The following SPANXN2 variants were observed in gnomAD, a reference collection of about 807,000 sequenced individuals.
SPANXN2 encodes the protein sperm protein associated with the nucleus on the X chromosome N2.
Under a neutral mutation model 2.0 loss-of-function variants are expected in SPANXN2, and 1 was observed. The observed-to-expected ratio is 0.50, with a 90% CI of 0.18 to 2.36. The LOEUF is 2.36. SPANXN2 is among the 30% of genes most tolerant of loss of function. The probability of loss-of-function intolerance (pLI) is 0.26; values close to 1 mark genes in which losing one functional copy is unlikely to be tolerated. For missense variants in SPANXN2, 88 were observed against 116.7 expected (o/e 0.75, Z 1.13); for synonymous variants, 43 against 49.8 (o/e 0.86, Z 0.58).
intron 1 of SPANXN2, among the ~76,000 whole-genome samples, chrX:143,716,314 A>G (rs1318831314): frequency 1.8e-5 from 2 of 110,530 alleles, no homozygotes; most frequent in Admixed American, 9.6e-5. Flanking sequence ...TCCCAACCCA[A>G]TGAAAGGAGC....
At chrX:143,711,968 C>G (rs1284058097) in exon 2 of SPANXN2, 6 of 1,206,046 alleles carry the variant, frequency 5.0e-6, no homozygotes, top group East Asian at 3.0e-5. Context: ...GCTCCTCAAA[C>G]TTGATTTTAT....
chrX:143,712,297 C>G (rs781971643), exon 2 of SPANXN2: 1 of 1,210,963 alleles, frequency 8.3e-7, no homozygotes, highest in African/African-American at 1.7e-5. Flanking sequence ...CTGTGAAGAT[C>G]CTTCAGCTGA....
At chrX:143,716,563 A>G (rs1932268711) in intron 1 of SPANXN2, among the ~76,000 whole-genome samples, 1 of 111,663 alleles carries the variant, frequency 9.0e-6, no homozygotes, top group South Asian at 3.8e-4. Context: ...AACCTCACCA[A>G]GCCTGTTACT....
At chrX:143,719,753 A>C (rs1932330301) in intron 1 of SPANXN2, among the ~76,000 whole-genome samples, 1 of 110,986 alleles carries the variant, frequency 9.0e-6, no homozygotes, top group South Asian at 3.9e-4. Flanking sequence ...ACACACACTA[A>C]GCAGGCTGTA....
At chrX:143,718,441 C>G (rs1451288531) in intron 1 of SPANXN2, among the ~76,000 whole-genome samples, 1 of 111,592 alleles carries the variant, frequency 9.0e-6, no homozygotes, top group Non-Finnish European at 1.9e-5. Flanking sequence ...CTCCTCCTCC[C>G]CCGCTCTCCA....
intron 1 of SPANXN2, among the ~76,000 whole-genome samples, chrX:143,720,100 C>T (rs1248165984): frequency 3.6e-5 from 4 of 110,860 alleles, no homozygotes; most frequent in Non-Finnish European, 7.5e-5. Flanking sequence ...ATCAACAATG[C>T]CCCTCTTCCT....
chrX:143,712,794 C>A (rs1932190399), intron 1 of SPANXN2, among the ~76,000 whole-genome samples: 1 of 111,747 alleles, frequency 8.9e-6, no homozygotes, highest in Non-Finnish European at 1.9e-5. Flanking sequence ...TCCTGCCTAA[C>A]CACCTGACCA....
intron 1 of SPANXN2, among the ~76,000 whole-genome samples, chrX:143,716,606 T>G (rs1322825848): frequency 8.9e-6 from 1 of 112,133 alleles, no homozygotes; most frequent in South Asian, 3.7e-4. Flanking sequence ...GCCTTGCCCT[T>G]GGACTACTCT....
At position 143,717,154 on chromosome X, in the gene SPANXN2, C is replaced by A. The variant is rs112899274; in HGVS notation, c.78+3437G>T. Among the ~76,000 whole-genome samples the A allele has an allele frequency of 5.2e-3, 588 of 112,304 alleles. 4 individuals are homozygous for A. Among genetic ancestry groups the A allele is most frequent in the African/African-American group, 0.018 (553 of 30,913 alleles). On this transcript the variant is annotated intron_variant, in intron 1 of 1. Coordinates refer to ENST00000598475, the Ensembl canonical transcript of SPANXN2. ...ACACCCCATGCTACCTCTCAACAGG[C>A]AAAGCTAGTTGCCCTAACCAGGGCC...
At chrX:143,719,242 C>G (rs1399680989) in intron 1 of SPANXN2, among the ~76,000 whole-genome samples, 1 of 111,036 alleles carries the variant, frequency 9.0e-6, no homozygotes, top group Non-Finnish European at 1.9e-5. Context: ...TCTTATCAAC[C>G]CCTCCCCTTT....
At chrX:143,712,771 G>T (rs1233565310) in intron 1 of SPANXN2, among the ~76,000 whole-genome samples, 2 of 111,522 alleles carry the variant, frequency 1.8e-5, no homozygotes, top group Non-Finnish European at 3.8e-5. Flanking sequence ...GGGGGCTCAG[G>T]CCGTGAGAAA....
intron 1 of SPANXN2, 53 bp downstream of exon 1, chrX:143,720,538 T>C: frequency 8.6e-7 from 1 of 1,167,058 alleles, no homozygotes; most frequent in Non-Finnish European, 1.2e-6. Flanking sequence ...CCGTCCCTTC[T>C]CTGTGTGTCT....
chrX:143,712,846 A>G (rs1482315692), intron 1 of SPANXN2, among the ~76,000 whole-genome samples: 1 of 111,767 alleles, frequency 8.9e-6, no homozygotes, highest in Non-Finnish European at 1.9e-5. Context: ...TTCCTATCAT[A>G]TCTTGCTTGG....
intron 1 of SPANXN2, 113 bp downstream of exon 1, chrX:143,720,478 G>A (rs1932348652): frequency 1.2e-6 from 1 of 857,176 alleles, no homozygotes; most frequent in African/African-American, 2.2e-5. Flanking sequence ...GCATTAAGCG[G>A]GTCCCCCACT....
chrX:143,718,799 C>T (rs1277912005), intron 1 of SPANXN2, among the ~76,000 whole-genome samples: 4 of 111,297 alleles, frequency 3.6e-5, no homozygotes, highest in Non-Finnish European at 7.5e-5. Flanking sequence ...GATATGACTT[C>T]AGGGCACCTT....
intron 1 of SPANXN2, among the ~76,000 whole-genome samples, chrX:143,720,133 G>T (rs1277939821): frequency 4.5e-5 from 5 of 111,063 alleles, no homozygotes; most frequent in Non-Finnish European, 7.5e-5. Flanking sequence ...TAGAAGGCAA[G>T]AATGTGAGTC....
chrX:143,712,085 C>T lies in SPANXN2; in HGVS notation c.493G>A (p.Glu165Lys), dbSNP rs200779971. 20 of 1,211,090 alleles carry T rather than the reference C, an allele frequency of 1.7e-5. No homozygotes were observed. Among genetic ancestry groups the T allele is most frequent in the East Asian group, 5.9e-5 (2 of 33,765 alleles). Reference sequence around the variant, plus strand: ...GATCCTTCAGATGAGTCTAGGTCTTCGTCCTCCTGTGAAGATCCTTCAGGT... The same window carrying T: ...GATCCTTCAGATGAGTCTAGGTCTTTGTCCTCCTGTGAAGATCCTTCAGGT... Residue 165 changes from glutamate (E) to lysine (K), a missense_variant, in exon 2 of 2, where the codon GAA becomes AAA. By Grantham distance (56) the Glu-to-Lys change is moderately conservative. This residue lies in a region of SPANXN2 where 29 missense variants were observed against 60.3 expected (regional missense o/e 0.48). Transcript: ENST00000598475.
intron 1 of SPANXN2, among the ~76,000 whole-genome samples, chrX:143,713,888 CCTCACTCTCTCT>C (rs1932210170): frequency 2.8e-5 from 1 of 35,109 alleles, no homozygotes; most frequent in South Asian, 2.4e-3. Flanking sequence ...TCCTTTCATG[CCTCACTCTCTCT>C]CTCTCTCTCT....
At chrX:143,719,573 T>C (rs1488171214) in intron 1 of SPANXN2, among the ~76,000 whole-genome samples, 2 of 112,167 alleles carry the variant, frequency 1.8e-5, no homozygotes, top group Admixed American at 9.4e-5. Context: ...CCTACAACTT[T>C]TGTCTGTCCA....
Sources: gnomAD v4.1 joint callset for allele counts (sites outside exome capture counted in the v4.1 genomes callset) on GRCh38, gnomAD v4.1.1 for gene constraint, gnomAD v4.1.1 regional missense constraint, MANE v1.5 for transcripts, NCBI Gene and HGNC (gene_info 2026-07-23, HGNC 2026-07-21) for gene names.